The following DLG2 variants were observed in gnomAD, a reference collection of about 807,000 sequenced individuals.
DLG2 encodes the protein discs large MAGUK scaffold protein 2.
A neutral mutation model predicts 132.5 loss-of-function variants in DLG2; 45 were observed. That is an observed-to-expected ratio of 0.34 (90% CI 0.27 to 0.44). The LOEUF is 0.44. DLG2 is among the 20% of genes least tolerant of loss of function. DLG2 has a pLI of 1.00. For missense variants in DLG2, 1,045 were observed against 1,196.9 expected (o/e 0.87, Z 1.87); for synonymous variants, 424 against 419.6 (o/e 1.01, Z -0.13).
At chr11:84,210,577 CA>C (rs1282233321) in intron 8 of DLG2, among the ~76,000 whole-genome samples, 1 of 145,702 alleles carries the variant, frequency 6.9e-6, no homozygotes, top group East Asian at 2.0e-4. Context: ...TTCAGAAAAG[CA>C]AAAAACTGCA....
At chr11:84,715,743 G>T (rs2061149373) in intron 6 of DLG2, among the ~76,000 whole-genome samples, 1 of 152,044 alleles carries the variant, frequency 6.6e-6, no homozygotes, top group East Asian at 1.9e-4. Context: ...TTATAGAATA[G>T]ATATAAATGT....
intron 21 of DLG2, among the ~76,000 whole-genome samples, chr11:83,508,403 ATTTT>A (rs746968613): frequency 2.4e-4 from 19 of 80,202 alleles, no homozygotes; most frequent in African/African-American, 1.0e-3. Context: ...CGCCTGGCTA[ATTTT>A]TTTTTTTTTT....
chr11:85,191,030 A>G (rs1192217624), intron 4 of DLG2, among the ~76,000 whole-genome samples: 2 of 152,190 alleles, frequency 1.3e-5, no homozygotes, highest in African/African-American at 4.8e-5. Context: ...ACCCAGAGGA[A>G]TATAAATCAT....
chr11:83,569,541 G>A (rs1219388941), intron 19 of DLG2, among the ~76,000 whole-genome samples: 1 of 152,054 alleles, frequency 6.6e-6, no homozygotes, highest in African/African-American at 2.4e-5. Flanking sequence ...GAGACTTTAG[G>A]TTATACAAAA....
intron 6 of DLG2, among the ~76,000 whole-genome samples, chr11:84,899,064 A>G (rs941822807): frequency 6.6e-6 from 1 of 152,094 alleles, no homozygotes; most frequent in Admixed American, 6.6e-5. Context: ...GTGACTTAAA[A>G]TAGGCTTCAA....
intron 3 of DLG2, among the ~76,000 whole-genome samples, chr11:85,571,410 G>T (rs2077836796): frequency 6.6e-6 from 1 of 152,078 alleles, no homozygotes; most frequent in Non-Finnish European, 1.5e-5. Flanking sequence ...ATTAGACAGA[G>T]ATTTCCTTAA....
rs137946921 is a variant in DLG2 at position 83,765,176 on chromosome 11, C to T, written c.1825+21514G>A. ...CTAAAGAAAGTCCTGGGGAACTGCTCATAGCTATATGTCAAATGAATTATT... is the reference window on the plus strand; with the variant it reads ...CTAAAGAAAGTCCTGGGGAACTGCTTATAGCTATATGTCAAATGAATTATT... On this transcript the variant is annotated intron_variant, in intron 18 of 27. Coordinates refer to ENST00000376104, the MANE Select transcript of DLG2 (RefSeq NM_001142699.3). Among the ~76,000 whole-genome samples, 281 of 152,274 alleles carry T rather than the reference C, an allele frequency of 1.8e-3. 5 individuals are homozygous for T. The highest frequency in any genetic ancestry group is 6.2e-3 in the African/African-American group (258 of 41,556).
chr11:84,275,170 C>G (rs181272632), intron 7 of DLG2, among the ~76,000 whole-genome samples: 42 of 152,242 alleles, frequency 2.8e-4, no homozygotes, highest in African/African-American at 9.9e-4. Flanking sequence ...TTATCAGGTT[C>G]CTTTATTCTT....
intron 9 of DLG2, among the ~76,000 whole-genome samples, chr11:84,129,173 A>G (rs1027220528): frequency 2.0e-5 from 3 of 152,166 alleles, no homozygotes; most frequent in African/African-American, 4.8e-5. Flanking sequence ...CTTCAGGCCC[A>G]AAAGAAAACT....
intron 6 of DLG2, among the ~76,000 whole-genome samples, chr11:84,701,707 A>G (rs2059243780): frequency 6.6e-6 from 1 of 151,606 alleles, no homozygotes; most frequent in African/African-American, 2.4e-5. Flanking sequence ...ACTGATTCTG[A>G]AATCCCAGTT....
intron 18 of DLG2, among the ~76,000 whole-genome samples, chr11:83,774,199 C>T (rs1012018979): frequency 6.6e-6 from 1 of 152,208 alleles, no homozygotes; most frequent in African/African-American, 2.4e-5. Context: ...ATACTGAAGA[C>T]ATCCTGTAAG....
intron 2 of DLG2, among the ~76,000 whole-genome samples, chr11:85,613,391 C>T (rs986593569): frequency 7.2e-5 from 11 of 152,182 alleles, no homozygotes; most frequent in African/African-American, 2.7e-4. Context: ...TTCACCCCAT[C>T]CAGCAGAAAG....
rs140750240 is a variant in DLG2 at position 85,257,835 on chromosome 11, T to C, written c.186+27385A>G. Reference sequence around the variant, plus strand: ...TTTAAGTTTATAAACTGCATTCATATATAATATCATTTCATCCTTTGAAGA... The same window carrying C: ...TTTAAGTTTATAAACTGCATTCATACATAATATCATTTCATCCTTTGAAGA... On this transcript the variant is annotated intron_variant, in intron 4 of 27. Coordinates refer to ENST00000376104, the MANE Select transcript of DLG2 (RefSeq NM_001142699.3). 2.7e-3 allele frequency among the ~76,000 whole-genome samples: 417 copies of C among 152,356 alleles called. 3 individuals carry two copies. Among genetic ancestry groups the C allele is most frequent in the African/African-American group, 9.7e-3 (404 of 41,594 alleles).
At chr11:84,371,374 A>G (rs986360266) in intron 7 of DLG2, among the ~76,000 whole-genome samples, 3 of 151,576 alleles carry the variant, frequency 2.0e-5, no homozygotes, top group Non-Finnish European at 4.4e-5. Flanking sequence ...TCCCACCTCA[A>G]CCTCCCAAGT....
chr11:84,878,251 A>C (rs903027660), intron 6 of DLG2, among the ~76,000 whole-genome samples: 4 of 152,220 alleles, frequency 2.6e-5, no homozygotes, highest in African/African-American at 7.2e-5. Flanking sequence ...TACTATAAAG[A>C]CATATGCACA....
intron 6 of DLG2, among the ~76,000 whole-genome samples, chr11:85,016,274 C>T (rs2059567800): frequency 6.6e-6 from 1 of 152,116 alleles, no homozygotes; most frequent in Non-Finnish European, 1.5e-5. Flanking sequence ...ATCAAAAATG[C>T]ATGCTGAATA....
chr11:84,302,148 T>C (rs753550579), intron 7 of DLG2, among the ~76,000 whole-genome samples: 2 of 151,886 alleles, frequency 1.3e-5, no homozygotes, highest in African/African-American at 2.4e-5. Context: ...AGCTGAACAA[T>C]GAGAACACAT....
chr11:84,612,280 G>A (rs1395030732), intron 6 of DLG2, among the ~76,000 whole-genome samples: 1 of 151,960 alleles, frequency 6.6e-6, no homozygotes, highest in Non-Finnish European at 1.5e-5. Context: ...TTGCTGAATA[G>A]TATTTCAATG....
chr11:84,029,844 C>T (rs114145078), intron 11 of DLG2, among the ~76,000 whole-genome samples: 2,510 of 152,148 alleles, frequency 0.016, 71 homozygotes, highest in African/African-American at 0.056. Flanking sequence ...CATAAGGAAA[C>T]AACATACTTA....
Sources: gnomAD v4.1 joint callset for allele counts (sites outside exome capture counted in the v4.1 genomes callset) on GRCh38, gnomAD v4.1.1 for gene constraint, MANE v1.5 for transcripts, NCBI Gene and HGNC (gene_info 2026-07-23, HGNC 2026-07-21) for gene names.